The following ADSL variants were observed in gnomAD, a reference collection of about 807,000 sequenced individuals.
ADSL encodes adenylosuccinate lyase, also known as adenylosuccinase.
A neutral mutation model predicts 62.1 loss-of-function variants in ADSL; 44 were observed. That is an observed-to-expected ratio of 0.71 (90% confidence interval 0.56 to 0.91). ADSL has a LOEUF of 0.91. Ranked by LOEUF, ADSL falls within the 40% of genes least tolerant of loss-of-function variation. The pLI is 0.00. For synonymous variants in ADSL, 198 were observed against 220.5 expected, an observed-to-expected ratio of 0.90 and a Z score of 0.90; for missense variants, 531 against 627.4, an observed-to-expected ratio of 0.85 and a Z score of 1.64.
chr22:40,366,309 C>G (rs2045003988), intron 12 of ADSL, 127 bp from the exon 13 acceptor site: 1 of 726,290 alleles, frequency 1.4e-6, no homozygotes, highest in Non-Finnish European at 2.4e-6. Flanking sequence ...TTGAGGAAAA[C>G]AAGCTCAGTG....
At chr22:40,380,403 G>C (rs1321337208) in intron 2 of ADSL, among the ~76,000 whole-genome samples, 1 of 135,098 alleles carries the variant, frequency 7.4e-6, no homozygotes, top group Admixed American at 8.3e-5. Flanking sequence ...GTCTCACTCT[G>C]TCACCCAGGC....
chr22:40,365,206 T>C, intron 12 of ADSL, 150 bp downstream of exon 12: 2 of 897,422 alleles, frequency 2.2e-6, no homozygotes, highest in East Asian at 5.2e-5. Context: ...ATTTCGGTTT[T>C]GTTTCTGTTT....
intron 2 of ADSL, among the ~76,000 whole-genome samples, chr22:40,382,213 T>C (rs1184436192): frequency 2.0e-5 from 3 of 152,216 alleles, no homozygotes; most frequent in Non-Finnish European, 4.4e-5. Context: ...AATGGCATTA[T>C]GTTAACAGCT....
intron 12 of ADSL, 35 bp downstream of exon 12, chr22:40,365,091 G>C (rs751224020): frequency 6.3e-7 from 1 of 1,587,346 alleles, no homozygotes; most frequent in Non-Finnish European, 8.6e-7. Context: ...CTGCTGGGCT[G>C]CAGAACCTGG....
intron 1 of ADSL, chr22:40,347,221 C>T (rs1489435230): frequency 6.3e-6 from 1 of 158,448 alleles, no homozygotes; most frequent in Non-Finnish European, 1.4e-5. Context: ...ACTCCAGAGC[C>T]TGAGCTGAGC....
chr22:40,354,287 G>A lies in ADSL; in HGVS notation c.442G>A (p.Glu148Lys). 6.2e-7 allele frequency: 1 copy of A among 1,614,130 alleles called. No individual in the cohort carries two copies. The highest frequency in any genetic ancestry group is 8.5e-7 in the Non-Finnish European group (1 of 1,180,030). ...CTCTCGGCTTGCCGACTTTGCTAAGGAACGAGCCAGTCTACCCACATTAGG... is the reference window on the plus strand; with the variant it reads ...CTCTCGGCTTGCCGACTTTGCTAAGAAACGAGCCAGTCTACCCACATTAGG... ...VISRLADFAK[E>K]RASLPTLGFT... Residue 148 changes from glutamate (E) to lysine (K), a missense_variant, in exon 4 of 13, where the codon GAA becomes AAA. Physicochemically the swap from Glu to Lys is moderately conservative, Grantham distance 56 (BLOSUM62 1). Coordinates refer to ENST00000623063, the MANE Select transcript of ADSL (RefSeq NM_000026.4).
chr22:40,380,760 A>G (rs898112907), intron 2 of ADSL, among the ~76,000 whole-genome samples: 2 of 151,980 alleles, frequency 1.3e-5, no homozygotes, highest in African/African-American at 4.8e-5. Context: ...ACATAGTAAG[A>G]CCCTCTCTAC....
At position 40,361,286 on chromosome 22, in the gene ADSL, T is replaced by A. The variant is rs1356087339; in HGVS notation, c.806T>A (p.Ile269Lys). 6.2e-7 allele frequency: 1 copy of A among 1,614,118 alleles called. No homozygotes were observed. The highest frequency in any genetic ancestry group is 1.1e-5 in the South Asian group (1 of 91,088). Residue 269 changes from isoleucine (I) to lysine (K), a missense_variant, in exon 8 of 13, where the codon ATA (isoleucine) becomes AAA (lysine). By Grantham distance (102) the Ile-to-Lys change is moderately radical. Transcript: ENST00000623063. ...GASVHKICTD[I>K]RLLANLKEME... ...TACCTCCCCCAGATTTGCACCGACA[T>A]ACGCCTCCTGGCAAACCTCAAGGAG...
At chr22:40,350,320 G>A (rs1168916146) in intron 2 of ADSL, 1 of 362,478 alleles carries the variant, frequency 2.8e-6, no homozygotes, top group Non-Finnish European at 5.2e-6. Flanking sequence ...TAGAGATGGG[G>A]TTTCACCATG....
intron 1 of ADSL, chr22:40,347,313 C>T (rs2044181483): frequency 6.6e-6 from 1 of 152,586 alleles, no homozygotes; most frequent in African/African-American, 2.4e-5. Flanking sequence ...CCGTTTCTGC[C>T]TCACTGGCCT....
At chr22:40,360,172 C>T (rs1420512079) in intron 6 of ADSL, among the ~76,000 whole-genome samples, 1 of 152,110 alleles carries the variant, frequency 6.6e-6, no homozygotes, top group Non-Finnish European at 1.5e-5. Context: ...CTTAGCATAC[C>T]AATAAGACCA....
At chr22:40,349,523 C>T (rs111719081) in intron 1 of ADSL, among the ~76,000 whole-genome samples, 5 of 151,906 alleles carry the variant, frequency 3.3e-5, no homozygotes, top group South Asian at 2.1e-4. Context: ...TACAGGTGCA[C>T]GCCACCATGC....
At chr22:40,362,740 T>C (rs1236246611) in intron 9 of ADSL, among the ~76,000 whole-genome samples, 2 of 152,064 alleles carry the variant, frequency 1.3e-5, no homozygotes, top group Non-Finnish European at 1.5e-5. Context: ...AGTTTGGGGA[T>C]TGAGGTACCC....
chr22:40,369,432 A>AAATATACATTCATATATATTATATAT (rs1284419403), downstream of ADSL: 1,408 of 146,834 alleles, frequency 9.6e-3, 36 homozygotes, highest in African/African-American at 0.031. Flanking sequence ...TATATATATA[A>AAATATACATTCATATATATTATATAT]AATATACATT....
intron 9 of ADSL, among the ~76,000 whole-genome samples, chr22:40,362,304 T>C (rs1601591475): frequency 6.6e-6 from 1 of 152,344 alleles, no homozygotes; most frequent in Non-Finnish European, 1.5e-5. Flanking sequence ...TAAACCTAGC[T>C]TTCTGGGATC....
At chr22:40,362,069 C>T (rs780800190) in intron 9 of ADSL, among the ~76,000 whole-genome samples, 5 of 152,136 alleles carry the variant, frequency 3.3e-5, no homozygotes, top group Non-Finnish European at 5.9e-5. Context: ...TATGAAAGGT[C>T]TTCTGGGTCT....
intron 2 of ADSL, among the ~76,000 whole-genome samples, chr22:40,386,509 G>T (rs1447096616): frequency 6.7e-6 from 1 of 148,242 alleles, no homozygotes; most frequent in African/African-American, 2.5e-5. Context: ...GAGACTTCTG[G>T]TCTGGCTATG....
chr22:40,361,273 A>AT lies in ADSL; in HGVS notation c.796dup (p.Cys266LeufsTer18), dbSNP rs1251813298. The stretch of plus-strand genomic sequence containing the variant: ...ATGCTTATTCCCCTACCTCCCCCAG[A>AT]TTTGCACCGACATACGCCTCCTGGC... On this transcript the variant is annotated frameshift_variant and splice_region_variant, in exon 8 of 13. Transcript: ENST00000623063. LOFTEE classifies it high-confidence loss of function. 1 of 1,614,034 alleles carries AT rather than the reference A, an allele frequency of 6.2e-7. No homozygotes were observed. Among genetic ancestry groups the AT allele is most frequent in the South Asian group, 1.1e-5 (1 of 91,074 alleles).
intron 10 of ADSL, among the ~76,000 whole-genome samples, chr22:40,363,912 A>G (rs1000070636): frequency 2.0e-5 from 3 of 152,002 alleles, no homozygotes; most frequent in Admixed American, 2.0e-4. Context: ...CCCTGTCTCT[A>G]CTAAAAATAC....
Sources: gnomAD v4.1 joint callset for allele counts (sites outside exome capture counted in the v4.1 genomes callset) on GRCh38, gnomAD v4.1.1 for gene constraint, MANE v1.5 for transcripts, NCBI Gene and HGNC (gene_info 2026-07-23, HGNC 2026-07-21) for gene names.